The following WWOX variants were observed in gnomAD, a reference collection of about 807,000 sequenced individuals.
WWOX encodes the protein WW domain containing oxidoreductase, also known as WW domain-containing oxidoreductase.
WWOX carries 69 observed loss-of-function variants against 46.2 expected under a neutral mutation model. That is an observed-to-expected ratio of 1.49 (90% CI 1.23 to 1.82). The LOEUF is 1.82. Among genes scored for constraint, WWOX ranks in the 40% most tolerant of loss-of-function variants. WWOX has a pLI of 0.00. For missense variants in WWOX, 919 were observed against 542.6 expected (o/e 1.69, Z -6.89); for synonymous variants, 359 against 202.6 (o/e 1.77, Z -6.56).
chr16:78,486,599 C>T (rs2084644420), intron 8 of WWOX, among the ~76,000 whole-genome samples: 1 of 110,194 alleles, frequency 9.1e-6, no homozygotes, highest in Admixed American at 8.0e-5. Flanking sequence ...TGTTTTGAAA[C>T]AGTCTCACTC....
chr16:79,074,433 T>TTTTTC (rs1367772718), intron 8 of WWOX, among the ~76,000 whole-genome samples: 1 of 134,540 alleles, frequency 7.4e-6, no homozygotes, highest in East Asian at 2.1e-4. Context: ...TTTTTTTTTT[T>TTTTTC]TTTTTTTTTG....
At chr16:78,196,162 G>A (rs2036044482) in intron 5 of WWOX, among the ~76,000 whole-genome samples, 1 of 152,164 alleles carries the variant, frequency 6.6e-6, no homozygotes, top group Non-Finnish European at 1.5e-5. Flanking sequence ...CTTTAAGGAA[G>A]AAAAGTTTAA....
chr16:78,123,360 A>G (rs1270701059), intron 4 of WWOX: 1 of 145,888 alleles, frequency 6.9e-6, no homozygotes, highest in Non-Finnish European at 1.5e-5. Flanking sequence ...AAATTGTAAT[A>G]TTTAAGTATT....
intron 6 of WWOX, among the ~76,000 whole-genome samples, chr16:78,390,168 T>C (rs908686953): frequency 3.9e-5 from 6 of 152,218 alleles, no homozygotes; most frequent in East Asian, 1.9e-4. Context: ...CTTTTCCTCA[T>C]AGCATGTGAG....
chr16:79,116,252 A>G (rs1327143891), intron 8 of WWOX, among the ~76,000 whole-genome samples: 4 of 152,166 alleles, frequency 2.6e-5, no homozygotes, highest in Non-Finnish European at 4.4e-5. Context: ...AAAATAAGAC[A>G]AGGATAAAGC....
At chr16:78,194,433 C>G (rs1194875454) in intron 5 of WWOX, among the ~76,000 whole-genome samples, 4 of 151,336 alleles carry the variant, frequency 2.6e-5, no homozygotes, top group Admixed American at 2.6e-4. Flanking sequence ...ACTAAAAATA[C>G]AAAAATTAGC....
At chr16:78,334,121 A>G (rs1374966587) in intron 5 of WWOX, among the ~76,000 whole-genome samples, 2 of 152,200 alleles carry the variant, frequency 1.3e-5, no homozygotes, top group African/African-American at 4.8e-5. Flanking sequence ...CACTATAAAA[A>G]CAAAGTTTTT....
chr16:78,802,526 G>C lies in WWOX; in HGVS notation c.1056+369774G>C, dbSNP rs142553292. On this transcript the variant is annotated intron_variant, in intron 8 of 8. Transcript: ENST00000566780. ...TAAATTATTAATAGTTGAGGACAAA[G>C]ACCAACCATTTTCCCCAAAACTTAG... Among the ~76,000 whole-genome samples the C allele has an allele frequency of 4.3e-4, 65 of 152,196 alleles. 1 individual carries two copies. Among genetic ancestry groups the C allele is most frequent in the African/African-American group, 1.6e-3 (65 of 41,540 alleles).
intron 8 of WWOX, among the ~76,000 whole-genome samples, chr16:78,644,083 A>G (rs1294150647): frequency 4.6e-5 from 7 of 152,170 alleles, no homozygotes; most frequent in East Asian, 3.9e-4. Flanking sequence ...TTAGCCAGAC[A>G]TGGTGGTGCA....
chr16:78,579,984 A>G (rs1414190890), intron 8 of WWOX, among the ~76,000 whole-genome samples: 1 of 152,198 alleles, frequency 6.6e-6, no homozygotes, highest in African/African-American at 2.4e-5. Context: ...GCCAGCGTTT[A>G]AGGCGCTTGC....
chr16:78,967,094 C>T (rs4888892), intron 8 of WWOX, among the ~76,000 whole-genome samples: 1 of 151,868 alleles, frequency 6.6e-6, no homozygotes, highest in African/African-American at 2.4e-5. Context: ...TCCCCATAGT[C>T]ATGCATCTGT....
At chr16:78,462,185 C>T (rs950094481) in intron 8 of WWOX, among the ~76,000 whole-genome samples, 2 of 151,836 alleles carry the variant, frequency 1.3e-5, no homozygotes, top group Non-Finnish European at 2.9e-5. Context: ...CAACTTGCAG[C>T]GAGGCCATTC....
chr16:78,296,126 T>C (rs947918391), intron 5 of WWOX, among the ~76,000 whole-genome samples: 3 of 152,238 alleles, frequency 2.0e-5, no homozygotes, highest in Non-Finnish European at 4.4e-5. Context: ...AAAAGTTTTA[T>C]TGAAGCAATT....
At chr16:78,800,355 C>A (rs983595452) in intron 8 of WWOX, among the ~76,000 whole-genome samples, 6 of 151,974 alleles carry the variant, frequency 3.9e-5, no homozygotes, top group African/African-American at 1.4e-4. Flanking sequence ...AAATATGTTG[C>A]TTTAAAATTC....
intron 8 of WWOX, among the ~76,000 whole-genome samples, chr16:78,700,502 G>T (rs977326973): frequency 6.6e-6 from 1 of 152,140 alleles, no homozygotes; most frequent in Non-Finnish European, 1.5e-5. Flanking sequence ...AACATATTCA[G>T]TCCATAGCAT....
intron 8 of WWOX, among the ~76,000 whole-genome samples, chr16:78,859,739 A>T (rs947806991): frequency 9.2e-5 from 14 of 152,204 alleles, no homozygotes; most frequent in Non-Finnish European, 1.8e-4. Context: ...TGGCAAACAG[A>T]ACACTAATAG....
intron 8 of WWOX, among the ~76,000 whole-genome samples, chr16:78,977,148 C>G (rs1297089208): frequency 2.0e-5 from 3 of 152,194 alleles, no homozygotes; most frequent in African/African-American, 7.2e-5. Flanking sequence ...TGTGGTATCT[C>G]TGGTACCCTA....
At position 79,212,404 on chromosome 16, in the gene WWOX, T is replaced by C. The variant is rs1456877232; in HGVS notation, c.*608T>C. 1.9e-5 allele frequency: 8 copies of C among 424,388 alleles called. No individual in the cohort carries two copies. Among genetic ancestry groups the C allele is most frequent in the South Asian group, 9.4e-5 (2 of 21,208 alleles). 26.3% of individuals were successfully genotyped at this position (424,388 alleles called of 1,614,324 possible). A position where few individuals can be genotyped will look rare whatever the true frequency, so the allele number is the denominator to read the frequency against. On this transcript the variant is annotated 3_prime_UTR_variant, in exon 9 of 9. Coordinates refer to ENST00000566780, the MANE Select transcript of WWOX (RefSeq NM_016373.4). ...CTACCAGGTGGCAAAGTACTTGTCA[T>C]AGACTCCTTTGCTAATGCTATGCAA...
intron 5 of WWOX, among the ~76,000 whole-genome samples, chr16:78,182,956 AAAAAAAAAAAAG>A (rs976389082): frequency 4.3e-4 from 64 of 149,542 alleles, no homozygotes; most frequent in South Asian, 1.1e-3. Context: ...GTCTCAAAAA[AAAAAAAAAAAAG>A]AAAGAAAGAA....
Sources: allele counts gnomAD v4.1 joint callset (sites outside exome capture counted in the v4.1 genomes callset), GRCh38; gene constraint gnomAD v4.1.1; transcripts MANE v1.5; gene names NCBI Gene and HGNC (gene_info 2026-07-23, HGNC 2026-07-21).